Variants in CNGB3 observed in about 807,000 individuals in gnomAD.
CNGB3 encodes cyclic nucleotide-gated channel beta-3.
Under a neutral mutation model 92.8 loss-of-function variants are expected in CNGB3, and 86 were observed. The observed-to-expected ratio is 0.93, with a 90% CI of 0.78 to 1.11. The LOEUF (loss-of-function observed/expected upper bound fraction) is 1.11. Among genes scored for constraint, CNGB3 ranks in the 50% least tolerant of loss-of-function variants. The probability of loss-of-function intolerance (pLI) is 0.00; values close to 1 mark genes in which losing one functional copy is unlikely to be tolerated. For synonymous variants in CNGB3, 333 were observed against 332.7 expected, an observed-to-expected ratio of 1.00 and a Z score of -0.01; for missense variants, 1,026 against 956.8, an observed-to-expected ratio of 1.07 and a Z score of -0.95.
rs1394829489 is a variant in CNGB3 at position 86,726,646 on chromosome 8, T to C, written c.223A>G (p.Lys75Glu). Residue 75 changes from lysine (K) to glutamate (E), a missense_variant, in exon 3 of 18, where the codon AAG becomes GAG. Lys to Glu is a moderately conservative substitution (Grantham distance 56). Transcript: ENST00000320005. ...GTCAGATCTCCAGAGGAATTTTTCT[T>C]GGAGAGTTTGTCTATGAAAAAAAAA... The part of the protein sequence containing the change: ...PHTNIQDKLS[K>E]KNSSGDLTTN... The C allele has an allele frequency of 6.2e-7, 1 of 1,613,564 alleles. No individual in the cohort carries two copies. The highest frequency in any genetic ancestry group is 8.5e-7 in the Non-Finnish European group (1 of 1,179,706).
At chr8:86,712,950 G>C (rs1438199178) in intron 3 of CNGB3, among the ~76,000 whole-genome samples, 1 of 148,956 alleles carries the variant, frequency 6.7e-6, no homozygotes, top group African/African-American at 2.5e-5. Flanking sequence ...AACTTAACTA[G>C]TTTAAAAAAA....
intron 5 of CNGB3, among the ~76,000 whole-genome samples, chr8:86,667,800 A>G (rs1823772839): frequency 6.6e-6 from 1 of 152,154 alleles, no homozygotes; most frequent in African/African-American, 2.4e-5. Context: ...GCAGGAGAGG[A>G]TCTGGACTGC....
chr8:86,696,853 T>A (rs910805892), intron 3 of CNGB3, among the ~76,000 whole-genome samples: 4 of 152,208 alleles, frequency 2.6e-5, no homozygotes, highest in Non-Finnish European at 5.9e-5. Context: ...TCAGCCACAG[T>A]ATGTCTTTTG....
chr8:86,740,327 G>A (rs1825319071), intron 1 of CNGB3, among the ~76,000 whole-genome samples: 1 of 152,210 alleles, frequency 6.6e-6, no homozygotes, highest in Admixed American at 6.5e-5. Context: ...GCAAGAAAAT[G>A]TAGGTGACGA....
chr8:86,688,994 T>G (rs1414799480), intron 3 of CNGB3, among the ~76,000 whole-genome samples: 1 of 147,846 alleles, frequency 6.8e-6, no homozygotes, highest in African/African-American at 2.5e-5. Context: ...TGTGTTTCTA[T>G]TATTTGCTTC....
chr8:86,743,283 A>G (rs954452978), intron 1 of CNGB3, among the ~76,000 whole-genome samples: 2 of 152,252 alleles, frequency 1.3e-5, no homozygotes, highest in African/African-American at 2.4e-5. Flanking sequence ...TGGCTTTTCC[A>G]AATCCTAGTA....
At chr8:86,722,488 A>G (rs16917022) in intron 3 of CNGB3, among the ~76,000 whole-genome samples, 14,410 of 152,130 alleles carry the variant, frequency 0.095, 1,492 homozygotes, top group African/African-American at 0.26. Flanking sequence ...TATGTACATA[A>G]TGGAGATGGC....
chr8:86,655,296 T>C (rs556928215), intron 6 of CNGB3, among the ~76,000 whole-genome samples: 1 of 152,274 alleles, frequency 6.6e-6, no homozygotes, highest in South Asian at 2.1e-4. Context: ...AAAATCCTCA[T>C]TTATGTCAAA....
At chr8:86,642,563 T>G (rs929740947) in intron 10 of CNGB3, among the ~76,000 whole-genome samples, 1 of 151,684 alleles carries the variant, frequency 6.6e-6, no homozygotes, top group African/African-American at 2.4e-5. Flanking sequence ...TATCCTATAA[T>G]TGCTCTCCAT....
chr8:86,644,516 T>C, intron 9 of CNGB3, 106 bp downstream of exon 9: 2 of 1,447,464 alleles, frequency 1.4e-6, no homozygotes, highest in East Asian at 2.5e-5. Flanking sequence ...AAGCTGAAAT[T>C]ATATCCTTTT....
chr8:86,615,728 C>A (rs1048643526), intron 13 of CNGB3, among the ~76,000 whole-genome samples: 1 of 151,906 alleles, frequency 6.6e-6, no homozygotes, highest in Admixed American at 6.6e-5. Flanking sequence ...TATGATTCCA[C>A]CTACAAAAAT....
intron 3 of CNGB3, among the ~76,000 whole-genome samples, chr8:86,700,402 G>A (rs1017481141): frequency 6.6e-6 from 1 of 152,054 alleles, no homozygotes; most frequent in African/African-American, 2.4e-5. Context: ...CTTTCAACTA[G>A]TTGCATTTAA....
chr8:86,719,946 G>A (rs1824934486), intron 3 of CNGB3, among the ~76,000 whole-genome samples: 2 of 152,138 alleles, frequency 1.3e-5, no homozygotes, highest in Admixed American at 1.3e-4. Flanking sequence ...CAAGCCACAT[G>A]TAGAAGAACG....
intron 1 of CNGB3, 104 bp downstream of exon 1, chr8:86,743,395 A>G: frequency 3.1e-6 from 4 of 1,277,698 alleles, no homozygotes; most frequent in Non-Finnish European, 4.6e-6. Flanking sequence ...AGATGGTGCC[A>G]GGTAAAACTA....
chr8:86,600,637 T>G (rs1370744311), intron 15 of CNGB3, among the ~76,000 whole-genome samples: 1 of 148,576 alleles, frequency 6.7e-6, no homozygotes, highest in East Asian at 2.0e-4. Context: ...TGTGACAGAG[T>G]CTCGCCCTGT....
intron 10 of CNGB3, among the ~76,000 whole-genome samples, chr8:86,635,867 CAT>C (rs10572378): frequency 0.14 from 9,305 of 67,474 alleles, 630 homozygotes; most frequent in African/African-American, 0.25. Flanking sequence ...TATATATACA[CAT>C]ACACATATAC....
At chr8:86,729,219 C>A (rs1002540694) in intron 2 of CNGB3, among the ~76,000 whole-genome samples, 1 of 152,104 alleles carries the variant, frequency 6.6e-6, no homozygotes, top group Non-Finnish European at 1.5e-5. Flanking sequence ...CTTATAAAGC[C>A]ACATGGATAT....
intron 3 of CNGB3, among the ~76,000 whole-genome samples, chr8:86,686,434 T>G (rs1434274607): frequency 6.6e-6 from 1 of 152,120 alleles, no homozygotes. Flanking sequence ...TTTCTCTTAG[T>G]GAATGTGACA....
At position 86,626,845 on chromosome 8, in the gene CNGB3, T is replaced by C. The variant is rs565292630; in HGVS notation, c.1481-765A>G. The stretch of plus-strand genomic sequence containing the variant: ...AACAAAATTGCCTATTCTTTTTTTT[T>C]TCTTTTTTTAAAACCTTGTATTTTA... On this transcript the variant is annotated intron_variant, in intron 12 of 17. Transcript: ENST00000320005. 1.2e-3 allele frequency among the ~76,000 whole-genome samples: 178 copies of C among 152,322 alleles called. 1 individual carries two copies. Among genetic ancestry groups the C allele is most frequent in the Non-Finnish European group, 2.1e-3 (144 of 68,030 alleles).
Sources: allele counts gnomAD v4.1 joint callset (sites outside exome capture counted in the v4.1 genomes callset), GRCh38; gene constraint gnomAD v4.1.1; transcripts MANE v1.5; gene names NCBI Gene and HGNC (gene_info 2026-07-23, HGNC 2026-07-21).